Variants in LRRC63 observed in about 807,000 individuals in gnomAD.
LRRC63 encodes the protein leucine rich repeat containing 63.
A neutral mutation model predicts 49.5 loss-of-function variants in LRRC63; 40 were observed. The ratio of observed to expected loss-of-function variants is 0.81; its 90% CI spans 0.63 to 1.05. LRRC63 has a LOEUF of 1.05. LRRC63 is among the 50% of genes least tolerant of loss of function. The pLI is 0.00. For synonymous variants in LRRC63, 191 were observed against 221.1 expected, an observed-to-expected ratio of 0.86 and a Z score of 1.21; for missense variants, 636 against 663.1, an observed-to-expected ratio of 0.96 and a Z score of 0.45.
At chr13:46,217,410 A>T (rs951710654) in intron 2 of LRRC63, among the ~76,000 whole-genome samples, 10 of 152,168 alleles carry the variant, frequency 6.6e-5, no homozygotes, top group Non-Finnish European at 1.3e-4. Context: ...AGGTGTTTAT[A>T]GTATTCTCTG....
At chr13:46,277,056 A>T (rs1370463513) in exon 10 of LRRC63, 1 of 151,940 alleles carries the variant, frequency 6.6e-6, no homozygotes. Context: ...TTGTTGCAGA[A>T]TAATTACTCA....
chr13:46,224,363 T>A (rs957526081), intron 2 of LRRC63, among the ~76,000 whole-genome samples: 1 of 152,144 alleles, frequency 6.6e-6, no homozygotes, highest in Non-Finnish European at 1.5e-5. Context: ...TTCAAATATA[T>A]TTTATATTTT....
chr13:46,268,082 G>A (rs61949190), intron 9 of LRRC63, among the ~76,000 whole-genome samples: 34,673 of 151,932 alleles, frequency 0.23, 4,675 homozygotes, highest in East Asian at 0.35. Flanking sequence ...AGCCACCAAG[G>A]AAAAAGCAAA....
chr13:46,250,504 G>C lies in LRRC63; in HGVS notation c.1226+13G>C. The C allele has an allele frequency of 6.7e-7, 1 of 1,486,354 alleles. No homozygotes were observed. Among genetic ancestry groups the C allele is most frequent in the South Asian group, 1.3e-5 (1 of 76,868 alleles). 92.1% of individuals were successfully genotyped at this position (1,486,354 alleles called of 1,614,324 possible). The stretch of plus-strand genomic sequence containing the variant: ...TTCTTCCAATTGGGTAAGGTTGATG[G>C]TCTGAGATTATAAACACAGAAAATA... On this transcript the variant is annotated intron_variant, in intron 7 of 9. Transcript: ENST00000595396.
intron 9 of LRRC63, 143 bp downstream of exon 9, chr13:46,267,115 C>A (rs751148675): frequency 2.5e-6 from 2 of 788,148 alleles, no homozygotes; most frequent in Non-Finnish European, 3.8e-6. Context: ...TTCTTCAAAT[C>A]GCTCCATCCA....
rs571206053 is a variant in LRRC63 at position 46,245,900 on chromosome 13, T to G, written c.991-627T>G. On this transcript the variant is annotated intron_variant, in intron 5 of 9. Coordinates refer to ENST00000595396, the Ensembl canonical transcript of LRRC63. ...TCTGTCACACGTGTAATACTACACTTATCACATACAGAAATACTTAGTCTG... is the reference window on the plus strand; with the variant it reads ...TCTGTCACACGTGTAATACTACACTGATCACATACAGAAATACTTAGTCTG... 2.6e-4 allele frequency among the ~76,000 whole-genome samples: 40 copies of G among 152,352 alleles called. No homozygotes were observed. The East Asian group carries it at 7.5e-3, about 29-fold the overall frequency.
chr13:46,216,192 A>G (rs886521408), intron 2 of LRRC63, among the ~76,000 whole-genome samples: 2 of 152,160 alleles, frequency 1.3e-5, no homozygotes, highest in Non-Finnish European at 2.9e-5. Context: ...CATTGAATGT[A>G]TAAATTACTT....
At chr13:46,236,358 C>G (rs538752737) in intron 5 of LRRC63, among the ~76,000 whole-genome samples, 1 of 152,180 alleles carries the variant, frequency 6.6e-6, no homozygotes, top group East Asian at 1.9e-4. Context: ...GCCAAGAAAT[C>G]CACAATGAGA....
At chr13:46,225,562 A>T (rs1239276440) in intron 2 of LRRC63, among the ~76,000 whole-genome samples, 1 of 152,218 alleles carries the variant, frequency 6.6e-6, no homozygotes, top group African/African-American at 2.4e-5. Flanking sequence ...AGATGGTGGT[A>T]GTTGGAAGGA....
At chr13:46,254,331 A>C (rs557852866) in intron 7 of LRRC63, among the ~76,000 whole-genome samples, 1 of 152,274 alleles carries the variant, frequency 6.6e-6, no homozygotes, top group Admixed American at 6.6e-5. Context: ...GCATATTTAC[A>C]GGATGTTGGA....
At position 46,243,615 on chromosome 13, in the gene LRRC63, T is replaced by C. The variant is rs565475918; in HGVS notation, c.991-2912T>C. 2.8e-4 allele frequency among the ~76,000 whole-genome samples: 43 copies of C among 152,262 alleles called. 1 individual carries two copies. In the South Asian group the frequency reaches 8.3e-3, roughly 29 times the overall value. On this transcript the variant is annotated intron_variant, in intron 5 of 9. Transcript: ENST00000595396. ...AAAAGAGCAGGAGCAACTATACTTA[T>C]ATCAGATAAAGTAAACTTTAAGTCA... is the stretch of plus-strand genomic sequence containing the variant.
At position 46,247,476 on chromosome 13, in the gene LRRC63, A is replaced by G. The variant is rs2047246412; in HGVS notation, c.1089+851A>G. ...TCTGCCAAAGAAAACTCCATCCACT[A>G]AAAAATAAATGTGTGAAGACAGGAG... On this transcript the variant is annotated intron_variant, in intron 6 of 9. Coordinates refer to ENST00000595396, the Ensembl canonical transcript of LRRC63. Among the ~76,000 whole-genome samples the G allele has an allele frequency of 2.0e-5, 3 of 152,184 alleles. No homozygotes were observed. In the South Asian group the frequency reaches 6.2e-4, roughly 31 times the overall value.
chr13:46,253,970 A>G (rs1467795204), intron 7 of LRRC63, among the ~76,000 whole-genome samples: 1 of 152,176 alleles, frequency 6.6e-6, no homozygotes. Context: ...TCAAATACAG[A>G]CAGATAAAGA....
chr13:46,227,861 G>C (rs1031195317), exon 3 of LRRC63: 4 of 1,550,396 alleles, frequency 2.6e-6, no homozygotes, highest in Non-Finnish European at 3.5e-6. Flanking sequence ...CTGAAAAAAG[G>C]CTAGAAAACA....
chr13:46,245,606 TG>T (rs1331837178), intron 5 of LRRC63, among the ~76,000 whole-genome samples: 1 of 152,032 alleles, frequency 6.6e-6, no homozygotes, highest in Non-Finnish European at 1.5e-5. Flanking sequence ...ACTAAGTGTT[TG>T]GAAATCAAAC....
chr13:46,261,302 C>G (rs534086230), intron 7 of LRRC63, among the ~76,000 whole-genome samples: 1 of 152,268 alleles, frequency 6.6e-6, no homozygotes, highest in South Asian at 2.1e-4. Context: ...AGCGTCTTTG[C>G]AGATGCAGTT....
chr13:46,264,029 A>G (rs1268268287), intron 8 of LRRC63, among the ~76,000 whole-genome samples: 1 of 152,200 alleles, frequency 6.6e-6, no homozygotes, highest in East Asian at 1.9e-4. Flanking sequence ...ACAAGCTTTC[A>G]TTCAGCGTGT....
intron 7 of LRRC63, among the ~76,000 whole-genome samples, chr13:46,259,230 A>C (rs1407841073): frequency 6.6e-6 from 1 of 152,170 alleles, no homozygotes; most frequent in African/African-American, 2.4e-5. Context: ...TATAAAATGA[A>C]GATAATAAAT....
chr13:46,274,947 A>G (rs2047813160), intron 9 of LRRC63, among the ~76,000 whole-genome samples: 1 of 151,964 alleles, frequency 6.6e-6, no homozygotes. Flanking sequence ...ACTCCTATCT[A>G]CCTGTGATTT....
Sources: allele counts gnomAD v4.1 joint callset (sites outside exome capture counted in the v4.1 genomes callset), GRCh38; gene constraint gnomAD v4.1.1; transcripts MANE v1.5; gene names NCBI Gene and HGNC (gene_info 2026-07-23, HGNC 2026-07-21).